The following TENM4 variants were observed in gnomAD, a reference collection of about 807,000 sequenced individuals.
The protein encoded by TENM4 is teneurin-4.
TENM4 carries 82 observed loss-of-function variants against 243.3 expected under a neutral mutation model. That is an observed-to-expected ratio of 0.34 (90% CI 0.28 to 0.40). The LOEUF is 0.40. Among genes scored for constraint, TENM4 ranks in the 10% least tolerant of loss-of-function variants. TENM4 has a pLI of 1.00. For synonymous variants in TENM4, 1,412 were observed against 1,456.3 expected (o/e 0.97, Z 0.69); for missense variants, 3,138 against 3,673.3 (o/e 0.85, Z 3.77).
chr11:79,236,159 G>A (rs904502139), intron 2 of TENM4, among the ~76,000 whole-genome samples: 4 of 151,968 alleles, frequency 2.6e-5, no homozygotes, highest in African/African-American at 7.3e-5. Flanking sequence ...ACCTGATACC[G>A]TATGGAAAAA....
At chr11:78,779,193 T>G (rs1011947582) in intron 16 of TENM4, among the ~76,000 whole-genome samples, 1 of 152,230 alleles carries the variant, frequency 6.6e-6, no homozygotes, top group African/African-American at 2.4e-5. Flanking sequence ...GATTATCTGT[T>G]TGCCATTCTT....
At chr11:79,363,043 A>C (rs997129279) in intron 1 of TENM4, among the ~76,000 whole-genome samples, 2 of 152,228 alleles carry the variant, frequency 1.3e-5, no homozygotes, top group African/African-American at 4.8e-5. Context: ...TGACTCACAC[A>C]GGTGGATTGC....
At chr11:79,157,228 A>G (rs2135073650) in intron 3 of TENM4, among the ~76,000 whole-genome samples, 1 of 152,274 alleles carries the variant, frequency 6.6e-6, no homozygotes, top group African/African-American at 2.4e-5. Flanking sequence ...AAGACAAGCC[A>G]TAACTGAGGC....
Position 78,854,073 on chromosome 11 carries a change from C to A in TENM4, c.1681+31G>T, listed in dbSNP as rs770685615. ...GCCTCCGACCAAAAGAGACAATATC[C>A]CACAGCCCCCAGAGGGTGTGGCTCC... On this transcript the variant is annotated intron_variant, in intron 12 of 33. Coordinates refer to ENST00000278550, the MANE Select transcript of TENM4 (RefSeq NM_001098816.3). 1.3e-5 allele frequency: 20 copies of A among 1,539,226 alleles called. No individual in the cohort carries two copies. In the South Asian group the frequency reaches 2.4e-4, roughly 19 times the overall value.
At chr11:79,368,719 T>G (rs1210233785) in intron 1 of TENM4, among the ~76,000 whole-genome samples, 2 of 152,204 alleles carry the variant, frequency 1.3e-5, no homozygotes, top group Non-Finnish European at 2.9e-5. Context: ...CCCACAGGGT[T>G]ATTGTGAGGA....
intron 6 of TENM4, among the ~76,000 whole-genome samples, chr11:78,970,955 T>G (rs1367721693): frequency 6.6e-6 from 1 of 152,170 alleles, no homozygotes; most frequent in East Asian, 1.9e-4. Flanking sequence ...AATATGCTTT[T>G]ATATCTTCAA....
intron 4 of TENM4, among the ~76,000 whole-genome samples, chr11:79,136,885 T>C (rs1374214992): frequency 6.6e-6 from 1 of 152,194 alleles, no homozygotes; most frequent in East Asian, 1.9e-4. Context: ...AATGGTGGAA[T>C]GGCCTTTTGA....
At chr11:79,342,120 G>A (rs573065400) in intron 1 of TENM4, among the ~76,000 whole-genome samples, 201 of 152,304 alleles carry the variant, frequency 1.3e-3, no homozygotes, top group Non-Finnish European at 1.8e-3. Context: ...AGACCCCACA[G>A]GCAGCTATTG....
intron 4 of TENM4, among the ~76,000 whole-genome samples, chr11:79,123,378 T>G (rs745589117): frequency 5.3e-5 from 8 of 152,196 alleles, no homozygotes; most frequent in Non-Finnish European, 1.0e-4. Flanking sequence ...GAGCTGGGGT[T>G]CAACCCAGGT....
chr11:78,753,860 C>T (rs928947141), intron 19 of TENM4, among the ~76,000 whole-genome samples: 1 of 152,158 alleles, frequency 6.6e-6, no homozygotes, highest in African/African-American at 2.4e-5. Flanking sequence ...TGTATATAAC[C>T]AACTGAAGGT....
At position 78,724,561 on chromosome 11, in the gene TENM4, C is replaced by A. The variant is rs559071306; in HGVS notation, c.3550+1518G>T. ...TTCTAAAACACCCATCCATTCTCCA[C>A]TGATATATGATGCTATCTCTGTCAT... is the stretch of plus-strand genomic sequence containing the variant. On this transcript the variant is annotated intron_variant, in intron 23 of 33. Transcript: ENST00000278550. Among the ~76,000 whole-genome samples the A allele has an allele frequency of 1.1e-4, 17 of 152,342 alleles. 1 individual carries two copies. In the South Asian group the frequency reaches 2.7e-3, roughly 24 times the overall value.
At chr11:79,339,297 G>T (rs771905432) in intron 1 of TENM4, among the ~76,000 whole-genome samples, 1 of 152,214 alleles carries the variant, frequency 6.6e-6, no homozygotes, top group Non-Finnish European at 1.5e-5. Context: ...CTATAGGGCC[G>T]GCTAGGATGC....
Position 79,215,603 on chromosome 11 carries a change from G to A in TENM4, c.-163+205C>T, listed in dbSNP as rs561077303. Among the ~76,000 whole-genome samples, 73 of 152,214 alleles carry A rather than the reference G, an allele frequency of 4.8e-4. 2 individuals are homozygous for A. Among genetic ancestry groups the A allele is most frequent in the African/African-American group, 1.3e-3 (54 of 41,516 alleles). ...GCTGCCAGCTTGGTTTCCAGCAACC[G>A]TTGCCACCTACCAGTCCTACTGCAT... On this transcript the variant is annotated intron_variant, in intron 3 of 33. Coordinates refer to ENST00000278550, the MANE Select transcript of TENM4 (RefSeq NM_001098816.3).
intron 4 of TENM4, among the ~76,000 whole-genome samples, chr11:79,133,295 A>T (rs1020012545): frequency 3.9e-5 from 6 of 152,180 alleles, no homozygotes; most frequent in African/African-American, 1.4e-4. Flanking sequence ...TCCCAGCTTA[A>T]GTCAGAAAGA....
chr11:79,223,920 C>T (rs1864210053), intron 2 of TENM4, among the ~76,000 whole-genome samples: 2 of 152,156 alleles, frequency 1.3e-5, no homozygotes, highest in South Asian at 4.1e-4. Context: ...TGAGAATGTC[C>T]ACCCTGATAG....
At chr11:79,054,604 C>T (rs1198036518) in intron 6 of TENM4, among the ~76,000 whole-genome samples, 2 of 151,846 alleles carry the variant, frequency 1.3e-5, no homozygotes, top group African/African-American at 4.8e-5. Flanking sequence ...GCCCCTACCT[C>T]AGTCTTCTGA....
chr11:79,413,744 A>G (rs1443344447), intron 1 of TENM4, among the ~76,000 whole-genome samples: 1 of 152,234 alleles, frequency 6.6e-6, no homozygotes, highest in Non-Finnish European at 1.5e-5. Flanking sequence ...TAGAAGTTAG[A>G]TGATAACTGT....
chr11:79,009,260 G>T lies in TENM4; in HGVS notation c.493+55478C>A, dbSNP rs976225715. Among the ~76,000 whole-genome samples, 2 of 152,130 alleles carry T rather than the reference G, an allele frequency of 1.3e-5. 1 individual carries two copies. Among genetic ancestry groups the T allele is most frequent in the South Asian group, 4.1e-4 (2 of 4,822 alleles). On this transcript the variant is annotated intron_variant, in intron 6 of 33. Coordinates refer to ENST00000278550, the MANE Select transcript of TENM4 (RefSeq NM_001098816.3). ...TTAGTTGTACAATGCTTACCCCAAG[G>T]TTATCTCAGGTCCCAGCTTTTGGAG...
At chr11:79,343,252 T>A (rs907429276) in intron 1 of TENM4, among the ~76,000 whole-genome samples, 1 of 152,252 alleles carries the variant, frequency 6.6e-6, no homozygotes, top group African/African-American at 2.4e-5. Flanking sequence ...GCATTATGGT[T>A]AAGTGATCCT....
Sources: allele counts gnomAD v4.1 joint callset (sites outside exome capture counted in the v4.1 genomes callset), GRCh38; gene constraint gnomAD v4.1.1; transcripts MANE v1.5; gene names NCBI Gene and HGNC (gene_info 2026-07-23, HGNC 2026-07-21).